CPLX4: variants seen among roughly 807,000 people sequenced by gnomAD.
The protein encoded by CPLX4 is complexin-4.
Under a neutral mutation model 16.1 loss-of-function variants are expected in CPLX4, and 17 were observed. The observed-to-expected ratio is 1.06, with a 90% CI of 0.72 to 1.59. The LOEUF is 1.59. Among genes scored for constraint, CPLX4 ranks in the 40% most tolerant of loss-of-function variants. CPLX4 has a pLI of 0.00. For missense variants in CPLX4, 193 were observed against 192.9 expected (o/e 1.00, Z 0.00); for synonymous variants, 55 against 57.8 (o/e 0.95, Z 0.22).
chr18:59,317,819 G>A (rs957461342), intron 1 of CPLX4, among the ~76,000 whole-genome samples: 3 of 142,516 alleles, frequency 2.1e-5, no homozygotes, highest in Non-Finnish European at 3.0e-5. Context: ...ATGCTTCCTG[G>A]GTTTTTTTTT....
At chr18:59,297,330 G>A (rs2070508944) in intron 2 of CPLX4, among the ~76,000 whole-genome samples, 1 of 151,160 alleles carries the variant, frequency 6.6e-6, no homozygotes, top group Non-Finnish European at 1.5e-5. Context: ...AGGCTGAAGT[G>A]CAGTATCTCG....
At position 59,296,588 on chromosome 18, in the gene CPLX4, G is replaced by T; in HGVS notation, c.*110C>A. 1 of 1,188,748 alleles carries T rather than the reference G, an allele frequency of 8.4e-7. No individual in the cohort carries two copies. The highest frequency in any genetic ancestry group is 2.5e-5 in the East Asian group (1 of 39,662). 73.6% of individuals were successfully genotyped at this position (1,188,748 alleles called of 1,614,324 possible). On this transcript the variant is annotated 3_prime_UTR_variant, in exon 3 of 3. Transcript: ENST00000299721. The stretch of plus-strand genomic sequence containing the variant: ...TATTGTCTGTCAATGGATCATCGTG[G>T]TTTTCCTAACTGTGTTCACTACATT...
intron 2 of CPLX4, among the ~76,000 whole-genome samples, chr18:59,305,894 A>T (rs150011508): frequency 4.7e-4 from 71 of 152,336 alleles, no homozygotes; most frequent in South Asian, 1.2e-3. Flanking sequence ...AAGATAACTC[A>T]TAAAGAAGAA....
Position 59,300,468 on chromosome 18 carries a change from C to T in CPLX4, c.256-3543G>A, listed in dbSNP as rs1311673579. On this transcript the variant is annotated intron_variant, in intron 2 of 2. Coordinates refer to ENST00000299721, the MANE Select transcript of CPLX4 (RefSeq NM_181654.4). ...TCTTTGCTGTAAAGAGCTCTGTTTTCGTAGCTATCGGTTTATCTTTATAAT... is the reference window on the plus strand; with the variant it reads ...TCTTTGCTGTAAAGAGCTCTGTTTTTGTAGCTATCGGTTTATCTTTATAAT... Among the ~76,000 whole-genome samples the T allele has an allele frequency of 2.6e-5, 4 of 152,260 alleles. No individual in the cohort carries two copies. In the East Asian group the frequency reaches 5.8e-4, roughly 22 times the overall value.
At chr18:59,297,633 G>C (rs1395646574) in intron 2 of CPLX4, among the ~76,000 whole-genome samples, 2 of 152,136 alleles carry the variant, frequency 1.3e-5, no homozygotes, top group Non-Finnish European at 2.9e-5. Flanking sequence ...ACACACAAAA[G>C]CTGGGGCATC....
chr18:59,317,925 C>G (rs77009715), intron 1 of CPLX4, among the ~76,000 whole-genome samples: 1 of 151,226 alleles, frequency 6.6e-6, no homozygotes, highest in African/African-American at 2.4e-5. Flanking sequence ...TGAAGACTTT[C>G]TACGTGCTAA....
chr18:59,310,260 A>C (rs1375527511), intron 2 of CPLX4, among the ~76,000 whole-genome samples: 8 of 152,150 alleles, frequency 5.3e-5, no homozygotes. Flanking sequence ...GCAGTAGCCT[A>C]TGCAGGTATA....
At position 59,296,515 on chromosome 18, in the gene CPLX4, C is replaced by A; in HGVS notation, c.*183G>T. The stretch of plus-strand genomic sequence containing the variant: ...TAAAAGGAAAGTAAGGTTCCCGCTG[C>A]AAGGTGTTAGCTAAATGCTCTGCCA... On this transcript the variant is annotated 3_prime_UTR_variant, in exon 3 of 3. Transcript: ENST00000299721. 1.5e-6 allele frequency: 1 copy of A among 646,974 alleles called. No homozygotes were observed. The highest frequency in any genetic ancestry group is 3.3e-5 in the Admixed American group (1 of 30,392). 40.1% of individuals were successfully genotyped at this position (646,974 alleles called of 1,614,324 possible). A position where few individuals can be genotyped will look rare whatever the true frequency, so the allele number is the denominator to read the frequency against.
intron 2 of CPLX4, among the ~76,000 whole-genome samples, chr18:59,307,278 C>T (rs577849733): frequency 5.7e-4 from 86 of 152,142 alleles, no homozygotes; most frequent in African/African-American, 1.8e-3. Context: ...TGTGCTTTTC[C>T]GGATGTAAAA....
intron 1 of CPLX4, among the ~76,000 whole-genome samples, chr18:59,315,198 T>C (rs1214398398): frequency 6.6e-6 from 1 of 152,226 alleles, no homozygotes; most frequent in Admixed American, 6.5e-5. Context: ...TTTTGTCTTT[T>C]TGATTTTAGC....
At chr18:59,298,131 C>T (rs1202297845) in intron 2 of CPLX4, among the ~76,000 whole-genome samples, 1 of 151,628 alleles carries the variant, frequency 6.6e-6, no homozygotes, top group Non-Finnish European at 1.5e-5. Context: ...TCTCTTTCAC[C>T]GAGGCTGGAG....
Position 59,318,639 on chromosome 18 carries a change from G to A in CPLX4, c.-177C>T, listed in dbSNP as rs558725993. The A allele has an allele frequency of 6.7e-5, 81 of 1,210,416 alleles. No individual in the cohort carries two copies. The highest frequency in any genetic ancestry group is 1.2e-4 in the Admixed American group (4 of 33,940). The allele number at this position is 1,210,416 out of a possible 1,614,324, so 75.0% of individuals were successfully genotyped here. On this transcript the variant is annotated 5_prime_UTR_variant, in exon 1 of 3. Coordinates refer to ENST00000299721, the MANE Select transcript of CPLX4 (RefSeq NM_181654.4). ...TACTGATAGAGAAGAGTGGTTTGTC[G>A]GCCGTAAGCTGGATTAAAGTGGTGA...
intron 1 of CPLX4, among the ~76,000 whole-genome samples, chr18:59,317,629 T>A (rs1413342179): frequency 6.6e-6 from 1 of 152,112 alleles, no homozygotes; most frequent in Non-Finnish European, 1.5e-5. Context: ...CTACCATCTA[T>A]CTTTTTAATC....
chr18:59,316,257 G>GCACACACACA (rs61529866), intron 1 of CPLX4, among the ~76,000 whole-genome samples: 53 of 151,056 alleles, frequency 3.5e-4, no homozygotes, highest in Non-Finnish European at 5.8e-4. Context: ...TGGTGCGTGC[G>GCACACACACA]CACACACACA....
intron 2 of CPLX4, 54 bp from the exon 3 acceptor site, chr18:59,296,979 A>C: frequency 6.4e-7 from 1 of 1,559,694 alleles, no homozygotes; most frequent in Non-Finnish European, 8.6e-7. Context: ...CTAACTCACT[A>C]ACTAAATAAA....
intron 2 of CPLX4, 40 bp from the exon 3 acceptor site, chr18:59,296,965 A>T (rs2070506180): frequency 6.3e-7 from 1 of 1,581,298 alleles, no homozygotes; most frequent in Non-Finnish European, 8.5e-7. Context: ...ATAACTCTAA[A>T]CTACTAACTC....
At chr18:59,315,073 A>C (rs903792579) in intron 1 of CPLX4, among the ~76,000 whole-genome samples, 1 of 152,198 alleles carries the variant, frequency 6.6e-6, no homozygotes, top group East Asian at 1.9e-4. Flanking sequence ...ACTGGGATGC[A>C]TTTAGTTTTA....
intron 2 of CPLX4, among the ~76,000 whole-genome samples, chr18:59,309,834 AAAAAAAAAG>A (rs1195394367): frequency 2.7e-5 from 3 of 112,014 alleles, no homozygotes; most frequent in South Asian, 2.9e-4. Context: ...AAAAAAAAAA[AAAAAAAAAG>A]AAAAAGAAAA....
intron 2 of CPLX4, among the ~76,000 whole-genome samples, chr18:59,309,275 G>A (rs1356649641): frequency 1.3e-5 from 2 of 152,118 alleles, no homozygotes; most frequent in African/African-American, 4.8e-5. Context: ...TGTTACAAAT[G>A]CAACCAAATA....
Sources: gnomAD v4.1 joint callset for allele counts (sites outside exome capture counted in the v4.1 genomes callset) on GRCh38, gnomAD v4.1.1 for gene constraint, MANE v1.5 for transcripts, NCBI Gene and HGNC (gene_info 2026-07-23, HGNC 2026-07-21) for gene names.